LUZP2: variants seen among roughly 807,000 people sequenced by gnomAD.
The protein encoded by LUZP2 is leucine zipper protein 2.
A neutral mutation model predicts 51.6 loss-of-function variants in LUZP2; 52 were observed. The ratio of observed to expected loss-of-function variants is 1.01; its 90% CI spans 0.81 to 1.27. The LOEUF (loss-of-function observed/expected upper bound fraction) is 1.27, where lower values mean the gene tolerates loss of function less well. Ranked by LOEUF, LUZP2 falls within the 50% of genes most tolerant of loss-of-function variation. The pLI is 0.00. For missense variants in LUZP2, 436 were observed against 395.4 expected, an observed-to-expected ratio of 1.10 and a Z score of -0.87; for synonymous variants, 154 against 137.3, an observed-to-expected ratio of 1.12 and a Z score of -0.85.
At chr11:24,722,675 T>C (rs192912995) in intron 1 of LUZP2, among the ~76,000 whole-genome samples, 3 of 152,236 alleles carry the variant, frequency 2.0e-5, no homozygotes, top group African/African-American at 7.2e-5. Flanking sequence ...CCCAGCACTT[T>C]GGGAGGCCAA....
At chr11:24,880,652 C>T (rs1017954153) in intron 5 of LUZP2, among the ~76,000 whole-genome samples, 2 of 152,016 alleles carry the variant, frequency 1.3e-5, no homozygotes, top group African/African-American at 2.4e-5. Flanking sequence ...GATTAGCAAA[C>T]TTGCTGTGGG....
intron 7 of LUZP2, among the ~76,000 whole-genome samples, chr11:24,945,941 A>T (rs1351081331): frequency 6.6e-6 from 1 of 152,032 alleles, no homozygotes; most frequent in African/African-American, 2.4e-5. Flanking sequence ...TCACAAAAAG[A>T]TGTTCATATT....
chr11:24,617,869 TTAAA>T (rs1854343143), intron 1 of LUZP2, among the ~76,000 whole-genome samples: 1 of 151,950 alleles, frequency 6.6e-6, no homozygotes, highest in South Asian at 2.1e-4. Flanking sequence ...AATAAATAAA[TTAAA>T]TAAAACACCT....
At chr11:24,498,875 C>T (rs1444010411) in intron 1 of LUZP2, among the ~76,000 whole-genome samples, 2 of 152,106 alleles carry the variant, frequency 1.3e-5, no homozygotes, top group Non-Finnish European at 2.9e-5. Context: ...AAATCCAGCC[C>T]ACAGTGATTT....
chr11:24,883,551 CT>C (rs1245865214), intron 5 of LUZP2, among the ~76,000 whole-genome samples: 1 of 151,970 alleles, frequency 6.6e-6, no homozygotes, highest in Non-Finnish European at 1.5e-5. Context: ...TTGGCTTGAA[CT>C]GCAGTATGAA....
intron 9 of LUZP2, among the ~76,000 whole-genome samples, chr11:25,046,939 A>G (rs1449288930): frequency 2.0e-5 from 3 of 152,188 alleles, no homozygotes; most frequent in Non-Finnish European, 4.4e-5. Flanking sequence ...CTGGGAGGGT[A>G]ACAGAAATAA....
chr11:24,550,289 GA>G (rs1204958321), intron 1 of LUZP2, among the ~76,000 whole-genome samples: 1 of 152,004 alleles, frequency 6.6e-6, no homozygotes, highest in Non-Finnish European at 1.5e-5. Flanking sequence ...GAATAATTTT[GA>G]AGTTTAATTT....
At chr11:24,988,281 C>A (rs1856242540) in intron 9 of LUZP2, among the ~76,000 whole-genome samples, 1 of 151,996 alleles carries the variant, frequency 6.6e-6, no homozygotes, top group South Asian at 2.1e-4. Flanking sequence ...TCCTTTTCAA[C>A]CTCCTTTTAA....
chr11:24,944,195 A>G (rs1167536938), intron 7 of LUZP2, among the ~76,000 whole-genome samples: 1 of 152,140 alleles, frequency 6.6e-6, no homozygotes, highest in Non-Finnish European at 1.5e-5. Flanking sequence ...ATGTCTGAGA[A>G]GGGGTCAAAG....
intron 9 of LUZP2, among the ~76,000 whole-genome samples, chr11:25,022,558 C>CA (rs538255249): frequency 1.3e-5 from 2 of 151,762 alleles, no homozygotes; most frequent in Admixed American, 6.6e-5. Flanking sequence ...CTCTCTTCAC[C>CA]AAAAAAATCT....
intron 1 of LUZP2, among the ~76,000 whole-genome samples, chr11:24,549,938 C>T (rs557504019): frequency 7.2e-5 from 11 of 152,072 alleles, no homozygotes; most frequent in African/African-American, 1.4e-4. Flanking sequence ...GAATAAGACA[C>T]GACCATCATG....
chr11:24,885,034 C>T (rs11606895), intron 5 of LUZP2, among the ~76,000 whole-genome samples: 2,455 of 152,044 alleles, frequency 0.016, 63 homozygotes, highest in Admixed American at 0.065. Flanking sequence ...GGTTCTGTTT[C>T]GAAGAGAAGT....
chr11:25,043,788 A>G (rs1007459982), intron 9 of LUZP2, among the ~76,000 whole-genome samples: 3 of 147,798 alleles, frequency 2.0e-5, no homozygotes, highest in African/African-American at 7.4e-5. Context: ...TAGTGTGTGT[A>G]TATATATATC....
intron 7 of LUZP2, among the ~76,000 whole-genome samples, chr11:24,947,690 T>G (rs535601342): frequency 6.6e-5 from 10 of 151,936 alleles, no homozygotes; most frequent in Admixed American, 5.9e-4. Flanking sequence ...GGTAATACCT[T>G]TTCTTTGGCC....
chr11:24,516,946 G>A (rs766565028), intron 1 of LUZP2, among the ~76,000 whole-genome samples: 14 of 152,100 alleles, frequency 9.2e-5, no homozygotes, highest in Non-Finnish European at 2.1e-4. Flanking sequence ...AATAAACTCT[G>A]TGATACAATC....
chr11:24,720,699 T>G (rs1858232897), intron 1 of LUZP2, among the ~76,000 whole-genome samples: 1 of 151,950 alleles, frequency 6.6e-6, no homozygotes, highest in South Asian at 2.1e-4. Flanking sequence ...TTTTGTTTGT[T>G]TGTTTTGTTT....
intron 7 of LUZP2, among the ~76,000 whole-genome samples, chr11:24,968,313 A>C (rs1206517474): frequency 6.6e-6 from 1 of 152,192 alleles, no homozygotes; most frequent in Non-Finnish European, 1.5e-5. Context: ...CCATTGTATC[A>C]CAAAAGCAAG....
At position 24,847,265 on chromosome 11, in the gene LUZP2, T is replaced by A. The variant is rs568789243; in HGVS notation, c.397-58726T>A. Reference sequence around the variant, plus strand: ...ATTTATTCCAATAATATATATATATTTTTTTCCTTTCTGCTTCAGGATCCA... The same window carrying A: ...ATTTATTCCAATAATATATATATATATTTTTCCTTTCTGCTTCAGGATCCA... On this transcript the variant is annotated intron_variant, in intron 5 of 11. Coordinates refer to ENST00000336930, the MANE Select transcript of LUZP2 (RefSeq NM_001009909.4). 1.4e-4 allele frequency among the ~76,000 whole-genome samples: 22 copies of A among 152,118 alleles called. No individual in the cohort carries two copies. The South Asian group carries it at 1.9e-3, about 13-fold the overall frequency.
At chr11:25,019,456 A>C (rs1325773001) in intron 9 of LUZP2, among the ~76,000 whole-genome samples, 1 of 152,144 alleles carries the variant, frequency 6.6e-6, no homozygotes, top group Non-Finnish European at 1.5e-5. Context: ...TGTCTTATAG[A>C]TACATACCAT....
Sources: gnomAD v4.1 joint callset for allele counts (sites outside exome capture counted in the v4.1 genomes callset) on GRCh38, gnomAD v4.1.1 for gene constraint, MANE v1.5 for transcripts, NCBI Gene and HGNC (gene_info 2026-07-23, HGNC 2026-07-21) for gene names.